The following ERCC8 variants were observed in gnomAD, a reference collection of about 807,000 sequenced individuals.
ERCC8 encodes the protein DNA excision repair protein ERCC-8.
Under a neutral mutation model 54.9 loss-of-function variants are expected in ERCC8, and 52 were observed. That is an observed-to-expected ratio of 0.95 (90% CI 0.76 to 1.19). The LOEUF is 1.19. ERCC8 is among the 50% of genes most tolerant of loss of function. The pLI, the probability that ERCC8 is intolerant of heterozygous loss-of-function variation, is 0.00. For missense variants in ERCC8, 514 were observed against 466.1 expected, an observed-to-expected ratio of 1.10 and a Z score of -0.95; for synonymous variants, 146 against 157.2, an observed-to-expected ratio of 0.93 and a Z score of 0.53.
In ERCC8 at chr5:60,867,176, A is replaced by T. The variant is rs1747770457; in HGVS notation, c.*7439T>A. ...ACCAATGAAAAAAGAAGGAAAAAAA[A>T]TATCCAAATGTATATGTTTCCTTGG... On this transcript the variant is annotated 3_prime_UTR_variant, in exon 12 of 12. Coordinates refer to ENST00000676185, the MANE Select transcript of ERCC8 (RefSeq NM_000082.4). Among the ~76,000 whole-genome samples, 1 of 152,114 alleles carries T rather than the reference A, an allele frequency of 6.6e-6. No individual in the cohort carries two copies. The highest frequency in any genetic ancestry group is 1.5e-5 in the Non-Finnish European group (1 of 68,030).
intron 3 of ERCC8, among the ~76,000 whole-genome samples, chr5:60,921,530 T>G (rs1749599519): frequency 6.6e-6 from 1 of 151,994 alleles, no homozygotes; most frequent in African/African-American, 2.4e-5. Flanking sequence ...AGACAAGTAT[T>G]ACAGATGTAT....
In ERCC8 at chr5:60,869,127, A is replaced by T. The variant is rs1458739314; in HGVS notation, c.*5488T>A. Among the ~76,000 whole-genome samples the T allele has an allele frequency of 1.3e-5, 2 of 152,220 alleles. No individual in the cohort carries two copies. Among genetic ancestry groups the T allele is most frequent in the Admixed American group, 1.3e-4 (2 of 15,280 alleles). On this transcript the variant is annotated 3_prime_UTR_variant, in exon 12 of 12. Transcript: ENST00000676185. ...TTTACCAAAGTATTTGTTTATAAAA[A>T]TTATAGAATTCACAGAAACGTCTTT...
At chr5:60,888,258 A>G (rs908939717) in intron 10 of ERCC8, among the ~76,000 whole-genome samples, 13 of 152,360 alleles carry the variant, frequency 8.5e-5, no homozygotes, top group Middle Eastern at 3.4e-3. Flanking sequence ...GGAAAATAAG[A>G]TTATATAGTA....
chr5:60,918,488 A>C (rs1749506840), intron 3 of ERCC8, 100 bp from the exon 4 acceptor site: 1 of 1,036,020 alleles, frequency 9.7e-7, no homozygotes, highest in Non-Finnish European at 1.5e-6. Context: ...GGATGATATG[A>C]ATGGCCAAAC....
intron 11 of ERCC8, 75 bp downstream of exon 11, chr5:60,887,365 C>CTCTCACA: frequency 8.0e-7 from 1 of 1,248,588 alleles, no homozygotes; most frequent in South Asian, 1.2e-5. Flanking sequence ...TTAAAAGTCT[C>CTCTCACA]TCTCACATAA....
At chr5:60,911,635 T>C (rs1749268232) in intron 4 of ERCC8, among the ~76,000 whole-genome samples, 1 of 152,236 alleles carries the variant, frequency 6.6e-6, no homozygotes. Context: ...TTGCCATTGC[T>C]TTTGGTGTTT....
At chr5:60,875,400 A>C (rs1167820818) in intron 11 of ERCC8, among the ~76,000 whole-genome samples, 1 of 152,248 alleles carries the variant, frequency 6.6e-6, no homozygotes, top group Non-Finnish European at 1.5e-5. Flanking sequence ...GATGATGTTT[A>C]TTTAAAACAA....
Position 60,899,610 on chromosome 5 carries a change from A to T in ERCC8, c.718+17T>A. 2 of 1,535,980 alleles carry T rather than the reference A, an allele frequency of 1.3e-6. No homozygotes were observed. The highest frequency in any genetic ancestry group is 1.8e-6 in the Non-Finnish European group (2 of 1,110,130). The stretch of plus-strand genomic sequence containing the variant: ...AAATACTATCATTGTCATATTTATT[A>T]ATGCGTTCTTCCTTACCTGATTCAA... On this transcript the variant is annotated intron_variant, in intron 8 of 11. Coordinates refer to ENST00000676185, the MANE Select transcript of ERCC8 (RefSeq NM_000082.4).
chr5:60,928,994 G>A, intron 1 of ERCC8, 35 bp from the exon 2 acceptor site: 2 of 1,234,082 alleles, frequency 1.6e-6, no homozygotes, highest in Non-Finnish European at 1.2e-6. Context: ...AAATTAACAA[G>A]TAATTTAACA....
intron 1 of ERCC8, among the ~76,000 whole-genome samples, chr5:60,932,988 C>T: frequency 6.6e-6 from 1 of 152,008 alleles, no homozygotes; most frequent in East Asian, 1.9e-4. Flanking sequence ...AAAAGCATTG[C>T]TTACTGGTTA....
In ERCC8 at chr5:60,869,201, G is replaced by C. The variant is rs1182216956; in HGVS notation, c.*5414C>G. Among the ~76,000 whole-genome samples, 1 of 152,144 alleles carries C rather than the reference G, an allele frequency of 6.6e-6. No individual in the cohort carries two copies. Among genetic ancestry groups the C allele is most frequent in the Non-Finnish European group, 1.5e-5 (1 of 68,016 alleles). ...ATATCATTTTTATAGAAATAACAAAGTATTAGTATATTACTCAACAGTAAT... is the reference window on the plus strand; with the variant it reads ...ATATCATTTTTATAGAAATAACAAACTATTAGTATATTACTCAACAGTAAT... On this transcript the variant is annotated 3_prime_UTR_variant, in exon 12 of 12. Coordinates refer to ENST00000676185, the MANE Select transcript of ERCC8 (RefSeq NM_000082.4).
In ERCC8 at chr5:60,867,847, CTTGTGCCAGTCACCTGAGCCAATAAA is replaced by C. The variant is rs1747785701; in HGVS notation, c.*6742_*6767del. ...GATGAAATGAACAAAAGAAAACTGGCTTGTGCCAGTCACCTGAGCCAATAAATTGTTGCCTTAAAGAGCTGACTACA... is the reference window on the plus strand; with the variant it reads ...GATGAAATGAACAAAAGAAAACTGGCTTGTTGCCTTAAAGAGCTGACTACA... On this transcript the variant is annotated 3_prime_UTR_variant, in exon 12 of 12. Coordinates refer to ENST00000676185, the MANE Select transcript of ERCC8 (RefSeq NM_000082.4). 1.3e-5 allele frequency among the ~76,000 whole-genome samples: 2 copies of C among 152,160 alleles called. No homozygotes were observed. Among genetic ancestry groups the C allele is most frequent in the Non-Finnish European group, 2.9e-5 (2 of 68,036 alleles).
At chr5:60,887,627 C>G (rs1450389366) in intron 10 of ERCC8, 107 bp from the exon 11 acceptor site, 1 of 819,150 alleles carries the variant, frequency 1.2e-6, no homozygotes, top group Non-Finnish European at 2.1e-6. Flanking sequence ...TAGATTAATG[C>G]TATTTCTACT....
Position 60,870,897 on chromosome 5 carries a change from T to C in ERCC8, c.*3718A>G, listed in dbSNP as rs1313232417. Among the ~76,000 whole-genome samples, 1 of 152,128 alleles carries C rather than the reference T, an allele frequency of 6.6e-6. No homozygotes were observed. Among genetic ancestry groups the C allele is most frequent in the East Asian group, 1.9e-4 (1 of 5,200 alleles). On this transcript the variant is annotated 3_prime_UTR_variant, in exon 12 of 12. Coordinates refer to ENST00000676185, the MANE Select transcript of ERCC8 (RefSeq NM_000082.4). ...AGATTTCTTGACGAGATTAAGAAAC[T>C]GTAAGTTTTTACTTTTTTCTTTTAA...
chr5:60,909,242 T>TGAAAAAAAAAAAA (rs1749174113), intron 4 of ERCC8, among the ~76,000 whole-genome samples: 1 of 23,578 alleles, frequency 4.2e-5, no homozygotes. Flanking sequence ...TGCCCTATTC[T>TGAAAAAAAAAAAA]GAAAAAAAAA....
chr5:60,894,651 A>C (rs965750611), intron 9 of ERCC8, among the ~76,000 whole-genome samples: 1 of 152,164 alleles, frequency 6.6e-6, no homozygotes. Context: ...GCCCCACCCC[A>C]ATCCTACCGA....
intron 10 of ERCC8, among the ~76,000 whole-genome samples, chr5:60,887,887 AC>A (rs1748442935): frequency 1.3e-5 from 2 of 152,194 alleles, no homozygotes; most frequent in Admixed American, 1.3e-4. Flanking sequence ...CAGTGAAGAA[AC>A]CATATGAGCG....
chr5:60,942,440 T>A (rs1388286012), intron 1 of ERCC8, among the ~76,000 whole-genome samples: 1 of 152,140 alleles, frequency 6.6e-6, no homozygotes, highest in Non-Finnish European at 1.5e-5. Flanking sequence ...CTGTGGTATA[T>A]CTGCACAGTG....
chr5:60,920,479 G>A (rs1749570189), intron 3 of ERCC8, among the ~76,000 whole-genome samples: 1 of 151,652 alleles, frequency 6.6e-6, no homozygotes, highest in African/African-American at 2.4e-5. Flanking sequence ...TAAGAATTTT[G>A]GTAGAGGAAA....
Sources: gnomAD v4.1 joint callset for allele counts (sites outside exome capture counted in the v4.1 genomes callset) on GRCh38, gnomAD v4.1.1 for gene constraint, MANE v1.5 for transcripts, NCBI Gene and HGNC (gene_info 2026-07-23, HGNC 2026-07-21) for gene names.